The following TMEM132C variants were observed in gnomAD, a reference collection of about 807,000 sequenced individuals.
TMEM132C encodes protein phosphatase 1, regulatory subunit 152.
Under a neutral mutation model 61.4 loss-of-function variants are expected in TMEM132C, and 29 were observed. That is an observed-to-expected ratio of 0.47 (90% confidence interval 0.35 to 0.64). The LOEUF (loss-of-function observed/expected upper bound fraction) is 0.64, where lower values mean the gene tolerates loss of function less well. Ranked by LOEUF, TMEM132C falls within the 30% of genes least tolerant of loss-of-function variation. TMEM132C has a pLI of 0.00. For missense variants in TMEM132C, 1,408 were observed against 1,476.9 expected (o/e 0.95, Z 0.76); for synonymous variants, 656 against 633.1 (o/e 1.04, Z -0.54).
At chr12:128,400,192 G>A (rs978291529) in intron 1 of TMEM132C, 20 of 152,298 alleles carry the variant, frequency 1.3e-4, no homozygotes, top group Admixed American at 2.0e-4. Flanking sequence ...TGAGATCCAG[G>A]CGAGCTTCTC....
At chr12:128,450,138 A>G (rs1417341022) in intron 2 of TMEM132C, among the ~76,000 whole-genome samples, 3 of 152,234 alleles carry the variant, frequency 2.0e-5, no homozygotes, top group Non-Finnish European at 4.4e-5. Context: ...GCCTGGTATA[A>G]GCAGTCACTT....
At chr12:128,387,949 C>T (rs767595491) in intron 1 of TMEM132C, among the ~76,000 whole-genome samples, 8 of 152,216 alleles carry the variant, frequency 5.3e-5, no homozygotes, top group Admixed American at 2.6e-4. Context: ...CAGCCGTGCC[C>T]GGCCGTCACC....
chr12:128,347,299 A>G (rs1873188532), intron 1 of TMEM132C, among the ~76,000 whole-genome samples: 1 of 152,068 alleles, frequency 6.6e-6, no homozygotes, highest in African/African-American at 2.4e-5. Flanking sequence ...GTGTGTATAT[A>G]CCACATTTTC....
intron 3 of TMEM132C, among the ~76,000 whole-genome samples, chr12:128,612,581 T>A (rs761865076): frequency 1.3e-5 from 2 of 152,186 alleles, no homozygotes; most frequent in African/African-American, 2.4e-5. Flanking sequence ...AAGTGTCTGC[T>A]CTGACACTGG....
chr12:128,479,071 G>T (rs563014834), intron 2 of TMEM132C, among the ~76,000 whole-genome samples: 27 of 152,198 alleles, frequency 1.8e-4, no homozygotes, highest in African/African-American at 6.0e-4. Flanking sequence ...GCAAGGACAT[G>T]GATGGAGCTG....
chr12:128,590,455 A>T (rs955167934), intron 3 of TMEM132C, among the ~76,000 whole-genome samples: 1 of 150,438 alleles, frequency 6.6e-6, no homozygotes, highest in Non-Finnish European at 1.5e-5. Context: ...TTAGAAAATG[A>T]CAGTTGGCAA....
Position 128,685,959 on chromosome 12 carries a change from A to G in TMEM132C, c.1450-7870A>G, listed in dbSNP as rs527952460. Among the ~76,000 whole-genome samples, 54 of 152,280 alleles carry G rather than the reference A, an allele frequency of 3.5e-4. No homozygotes were observed. In the South Asian group the frequency reaches 0.011, roughly 30 times the overall value. The stretch of plus-strand genomic sequence containing the variant: ...CTGGATAACTGTGGCCAGTCAACGA[A>G]TGTTTGCTGTTGTTATAAAGTAAGC... On this transcript the variant is annotated intron_variant, in intron 5 of 8. Transcript: ENST00000435159.
intron 2 of TMEM132C, among the ~76,000 whole-genome samples, chr12:128,420,036 T>TA (rs1159517850): frequency 8.7e-5 from 13 of 148,992 alleles, no homozygotes; most frequent in Admixed American, 2.7e-4. Context: ...CTACTAAAAA[T>TA]AAAAAAAAAA....
intron 4 of TMEM132C, among the ~76,000 whole-genome samples, chr12:128,635,634 C>T (rs1049375499): frequency 6.6e-6 from 1 of 152,056 alleles, no homozygotes; most frequent in African/African-American, 2.4e-5. Context: ...TACACATGAG[C>T]CCCTGAAACA....
At position 128,668,720 on chromosome 12, in the gene TMEM132C, ACT is replaced by A. The variant is rs2135629943; in HGVS notation, c.1306-695_1306-694del. 1.3e-5 allele frequency among the ~76,000 whole-genome samples: 2 copies of A among 150,242 alleles called. 1 individual carries two copies. Among genetic ancestry groups the A allele is most frequent in the Admixed American group, 1.3e-4 (2 of 15,212 alleles). On this transcript the variant is annotated intron_variant, in intron 4 of 8. Transcript: ENST00000435159. The stretch of plus-strand genomic sequence containing the variant: ...AAAGTTAAGATGTTGGCAGGGCTGC[ACT>A]CCTTCTGGAAGCTCTCAGGGAAAAT...
chr12:128,618,911 T>G (rs538392210), intron 4 of TMEM132C, among the ~76,000 whole-genome samples: 62 of 152,176 alleles, frequency 4.1e-4, no homozygotes, highest in Non-Finnish European at 6.5e-4. Context: ...ACCTCAGCTA[T>G]GCAAAGCAAC....
intron 1 of TMEM132C, among the ~76,000 whole-genome samples, chr12:128,409,831 C>G (rs1482739306): frequency 6.6e-6 from 1 of 152,180 alleles, no homozygotes; most frequent in Non-Finnish European, 1.5e-5. Flanking sequence ...CTTATTCATT[C>G]TGCTAACTCA....
At chr12:128,399,253 A>G (rs1156582882) in intron 1 of TMEM132C, among the ~76,000 whole-genome samples, 1 of 152,222 alleles carries the variant, frequency 6.6e-6, no homozygotes, top group Non-Finnish European at 1.5e-5. Flanking sequence ...ACTATATTAA[A>G]AATAAGCTCT....
chr12:128,504,558 G>T (rs919962218), intron 2 of TMEM132C, among the ~76,000 whole-genome samples: 4 of 152,080 alleles, frequency 2.6e-5, no homozygotes, highest in Admixed American at 1.3e-4. Context: ...AGCCGGCAGG[G>T]TTCTTTTCTC....
chr12:128,293,516 G>A (rs1380515477), intron 1 of TMEM132C, among the ~76,000 whole-genome samples: 1 of 152,178 alleles, frequency 6.6e-6, no homozygotes, highest in Non-Finnish European at 1.5e-5. Context: ...TTGGTGTCCA[G>A]ACAGGATGAA....
At chr12:128,669,060 G>A (rs187015066) in intron 4 of TMEM132C, among the ~76,000 whole-genome samples, 1 of 152,324 alleles carries the variant, frequency 6.6e-6, no homozygotes, top group Non-Finnish European at 1.5e-5. Flanking sequence ...TCAACTTACT[G>A]TGCTTGCTCA....
chr12:128,300,514 T>A (rs1366419985), intron 1 of TMEM132C, among the ~76,000 whole-genome samples: 1 of 152,176 alleles, frequency 6.6e-6, no homozygotes, highest in Non-Finnish European at 1.5e-5. Flanking sequence ...TGGGCACTCT[T>A]GAGTGTGTTT....
intron 1 of TMEM132C, among the ~76,000 whole-genome samples, chr12:128,410,277 G>A (rs1350408542): frequency 6.6e-6 from 1 of 152,104 alleles, no homozygotes; most frequent in Non-Finnish European, 1.5e-5. Flanking sequence ...ATTTGACCAT[G>A]TTTCCTTTCA....
chr12:128,284,060 C>T (rs1870980912), intron 1 of TMEM132C, among the ~76,000 whole-genome samples: 2 of 152,186 alleles, frequency 1.3e-5, no homozygotes, highest in Admixed American at 1.3e-4. Flanking sequence ...TTCTCTACCT[C>T]AGGATACCCA....
Sources: gnomAD v4.1 joint callset for allele counts (sites outside exome capture counted in the v4.1 genomes callset) on GRCh38, gnomAD v4.1.1 for gene constraint, MANE v1.5 for transcripts, NCBI Gene and HGNC (gene_info 2026-07-23, HGNC 2026-07-21) for gene names.